Variants in AGBL1 observed in about 807,000 individuals in gnomAD.
AGBL1 encodes cytosolic carboxypeptidase 4.
A neutral mutation model predicts 118.9 loss-of-function variants in AGBL1; 130 were observed. The observed-to-expected ratio is 1.09, with a 90% CI of 0.95 to 1.26. The LOEUF is 1.26. Ranked by LOEUF, AGBL1 falls within the 50% of genes most tolerant of loss-of-function variation. AGBL1 has a pLI of 0.00. For missense variants in AGBL1, 1,584 were observed against 1,298.1 expected (o/e 1.22, Z -3.38); for synonymous variants, 555 against 478.9 (o/e 1.16, Z -2.08).
intron 23 of AGBL1, among the ~76,000 whole-genome samples, chr15:86,967,091 T>A (rs2081062697): frequency 1.3e-5 from 2 of 152,232 alleles, no homozygotes; most frequent in Non-Finnish European, 2.9e-5. Context: ...GATGAACATT[T>A]TTTCATGTGT....
intron 18 of AGBL1, among the ~76,000 whole-genome samples, chr15:86,469,044 A>G (rs1275888664): frequency 2.0e-5 from 3 of 152,260 alleles, no homozygotes; most frequent in Non-Finnish European, 4.4e-5. Context: ...CAGTCAAGCT[A>G]GTTAATGTAG....
intron 18 of AGBL1, among the ~76,000 whole-genome samples, chr15:86,482,199 A>C (rs565417300): frequency 6.6e-6 from 1 of 152,264 alleles, no homozygotes; most frequent in Non-Finnish European, 1.5e-5. Context: ...AAATAATAAC[A>C]AGGCTAGCCT....
intron 21 of AGBL1, among the ~76,000 whole-genome samples, chr15:86,654,288 G>GT (rs1393184416): frequency 6.6e-6 from 1 of 152,198 alleles, no homozygotes; most frequent in African/African-American, 2.4e-5. Flanking sequence ...AAGTAGGAGT[G>GT]TTTTTTCAGA....
At chr15:86,100,513 T>C (rs369833934) in intron 1 of AGBL1, among the ~76,000 whole-genome samples, 1 of 151,976 alleles carries the variant, frequency 6.6e-6, no homozygotes, top group Non-Finnish European at 1.5e-5. Context: ...ACTTTTTTTT[T>C]ATTATTATTA....
chr15:86,754,083 T>C (rs2077897480), intron 22 of AGBL1, among the ~76,000 whole-genome samples: 1 of 152,136 alleles, frequency 6.6e-6, no homozygotes, highest in African/African-American at 2.4e-5. Context: ...TCATACTAAA[T>C]TAGAATGGTT....
intron 24 of AGBL1, among the ~76,000 whole-genome samples, chr15:86,998,517 TAAAG>T (rs1298517796): frequency 1.3e-5 from 2 of 152,172 alleles, no homozygotes; most frequent in African/African-American, 2.4e-5. Context: ...TGTAGCCTCT[TAAAG>T]ATTCTGATAT....
intron 21 of AGBL1, among the ~76,000 whole-genome samples, chr15:86,650,076 A>T (rs1206838417): frequency 1.3e-5 from 2 of 152,200 alleles, no homozygotes; most frequent in Non-Finnish European, 2.9e-5. Flanking sequence ...TAGTTTCTTA[A>T]TAAGCTACAG....
rs192776340 is a variant in AGBL1 at position 87,010,610 on chromosome 15, C to T, written c.3324-18215C>T. ...TCTGGCCTTTGAACTTCACAACTTG[C>T]GCCATTCCCCTGCTCCCCATCCTGG... On this transcript the variant is annotated intron_variant, in intron 24 of 24. Coordinates refer to the AGBL1 transcript ENST00000441037. Among the ~76,000 whole-genome samples the T allele has an allele frequency of 2.2e-3, 336 of 152,318 alleles. 1 individual carries two copies. The highest frequency in any genetic ancestry group is 3.5e-3 in the Non-Finnish European group (241 of 68,032).
chr15:86,886,895 C>T (rs1015898161), intron 22 of AGBL1, among the ~76,000 whole-genome samples: 5 of 152,170 alleles, frequency 3.3e-5, no homozygotes, highest in East Asian at 3.9e-4. Flanking sequence ...TAAGTAAAGA[C>T]GAGGTTTTGG....
At chr15:86,486,315 T>G (rs534880940) in intron 18 of AGBL1, among the ~76,000 whole-genome samples, 2 of 152,258 alleles carry the variant, frequency 1.3e-5, no homozygotes, top group Admixed American at 1.3e-4. Flanking sequence ...CCCTTCTATT[T>G]CCATATTCTT....
chr15:86,478,166 G>C (rs1486801579), intron 18 of AGBL1, among the ~76,000 whole-genome samples: 1 of 151,930 alleles, frequency 6.6e-6, no homozygotes, highest in South Asian at 2.1e-4. Context: ...CTTTGAAAAC[G>C]GGCACAAGAC....
intron 24 of AGBL1, among the ~76,000 whole-genome samples, chr15:87,025,705 G>T (rs1440183080): frequency 1.3e-5 from 2 of 151,172 alleles, no homozygotes; most frequent in Admixed American, 6.6e-5. Flanking sequence ...AGCAAAGCAA[G>T]ACTAAGCAAA....
chr15:86,641,822 T>C (rs2085196882), intron 21 of AGBL1, among the ~76,000 whole-genome samples: 1 of 152,152 alleles, frequency 6.6e-6, no homozygotes, highest in African/African-American at 2.4e-5. Flanking sequence ...CAATGCTGTG[T>C]AGCAAACTAC....
intron 5 of AGBL1, among the ~76,000 whole-genome samples, chr15:86,196,991 A>G (rs1329751683): frequency 2.0e-5 from 3 of 152,064 alleles, no homozygotes; most frequent in Non-Finnish European, 4.4e-5. Flanking sequence ...AGAATTCACC[A>G]GAAACCAACC....
rs79546751 is a variant in AGBL1 at position 86,895,100 on chromosome 15, C to A, written c.3159-11987C>A. 3.9e-3 allele frequency among the ~76,000 whole-genome samples: 585 copies of A among 151,826 alleles called. 3 individuals carry two copies. Among genetic ancestry groups the A allele is most frequent in the African/African-American group, 0.013 (557 of 41,350 alleles). ...CCCTTTCTTTTATCTTCCCTCCTTC[C>A]CTTTCTTTTTTCCTTCCTTTCTTCC... On this transcript the variant is annotated intron_variant, in intron 22 of 22. Coordinates refer to ENST00000614907, the MANE Select transcript of AGBL1 (RefSeq NM_001386094.1).
intron 6 of AGBL1, among the ~76,000 whole-genome samples, chr15:86,232,802 C>A (rs2078477916): frequency 6.6e-6 from 1 of 152,124 alleles, no homozygotes; most frequent in African/African-American, 2.4e-5. Context: ...AGGACAATGC[C>A]CTCCTGCCTC....
At chr15:87,002,829 A>G (rs1436145897) in intron 24 of AGBL1, among the ~76,000 whole-genome samples, 2 of 152,076 alleles carry the variant, frequency 1.3e-5, no homozygotes, top group African/African-American at 2.4e-5. Context: ...CATTGATTTT[A>G]TATCCTGAGA....
At chr15:86,234,998 G>A (rs535381501) in intron 6 of AGBL1, among the ~76,000 whole-genome samples, 1 of 152,240 alleles carries the variant, frequency 6.6e-6, no homozygotes, top group South Asian at 2.1e-4. Context: ...AAAAGCGCCA[G>A]ATGATAGTAA....
At chr15:86,145,680 A>G (rs1304470166) in intron 3 of AGBL1, among the ~76,000 whole-genome samples, 1 of 152,196 alleles carries the variant, frequency 6.6e-6, no homozygotes, top group Non-Finnish European at 1.5e-5. Flanking sequence ...AGCGTGTCCC[A>G]GAAAAAATCA....
Sources: allele counts gnomAD v4.1 joint callset (sites outside exome capture counted in the v4.1 genomes callset), GRCh38; gene constraint gnomAD v4.1.1; transcripts MANE v1.5; gene names NCBI Gene and HGNC (gene_info 2026-07-23, HGNC 2026-07-21).